Variants in COPG2 observed in about 807,000 individuals in gnomAD.
COPG2 encodes the protein coatomer subunit gamma-2.
A neutral mutation model predicts 46.3 loss-of-function variants in COPG2; 37 were observed. That is an observed-to-expected ratio of 0.80 (90% CI 0.61 to 1.05). COPG2 has a LOEUF of 1.05. Ranked by LOEUF, COPG2 falls within the 50% of genes least tolerant of loss-of-function variation. The probability of loss-of-function intolerance (pLI) is 0.00; values close to 1 mark genes in which losing one functional copy is unlikely to be tolerated. For synonymous variants in COPG2, 159 were observed against 129.7 expected, an observed-to-expected ratio of 1.23 and a Z score of -1.53; for missense variants, 427 against 387.8, an observed-to-expected ratio of 1.10 and a Z score of -0.85.
intron 11 of COPG2, 99 bp from the exon 12 acceptor site, chr7:130,561,320 ATAAGT>A (rs1249237337): frequency 2.5e-5 from 10 of 397,310 alleles, no homozygotes; most frequent in African/African-American, 4.1e-5. Flanking sequence ...AGAGGACAGG[ATAAGT>A]TAAAAGTAAT....
intron 20 of COPG2, among the ~76,000 whole-genome samples, chr7:130,532,798 C>A (rs1228437767): frequency 6.6e-6 from 1 of 152,068 alleles, no homozygotes; most frequent in African/African-American, 2.4e-5. Context: ...GAGGTGGATT[C>A]GGTGCAGTAC....
chr7:130,512,052 T>TAAA (rs1182017221), intron 20 of COPG2, among the ~76,000 whole-genome samples: 107 of 99,134 alleles, frequency 1.1e-3, no homozygotes, highest in Middle Eastern at 0.011. Context: ...CTGTGTCTTC[T>TAAA]AAAAAAAAAA....
chr7:130,629,541 CA>C, intron 5 of COPG2, among the ~76,000 whole-genome samples: 1 of 151,610 alleles, frequency 6.6e-6, no homozygotes, highest in South Asian at 2.1e-4. Context: ...ACTACAGGCA[CA>C]TGCCACCATG....
chr7:130,528,331 A>C (rs903798477), intron 20 of COPG2, among the ~76,000 whole-genome samples: 2 of 152,032 alleles, frequency 1.3e-5, no homozygotes, highest in Admixed American at 6.6e-5. Flanking sequence ...GAAAGGATGC[A>C]AAGGGAATTG....
chr7:130,654,274 A>G (rs1396418845), intron 4 of COPG2, among the ~76,000 whole-genome samples: 4 of 152,244 alleles, frequency 2.6e-5, no homozygotes, highest in Non-Finnish European at 5.9e-5. Flanking sequence ...AGCCAAGGAC[A>G]AAATAAAGAG....
intron 9 of COPG2, among the ~76,000 whole-genome samples, chr7:130,580,035 A>C (rs2116436110): frequency 6.6e-6 from 1 of 150,570 alleles, no homozygotes; most frequent in East Asian, 2.0e-4. Flanking sequence ...AAATCAACAG[A>C]ATATACATTT....
In COPG2 at chr7:130,572,062, A is replaced by G. The variant is rs936485907; in HGVS notation, c.738-7669T>C. 5.9e-5 allele frequency among the ~76,000 whole-genome samples: 9 copies of G among 152,174 alleles called. 1 individual carries two copies. The South Asian group carries it at 1.0e-3, about 18-fold the overall frequency. On this transcript the variant is annotated intron_variant, in intron 9 of 23. Transcript: ENST00000425248. ...AGCTATGAGGACGCAAAGGCATGAGAATGATACAATGGATTTTGGGGACTT... is the reference window on the plus strand; with the variant it reads ...AGCTATGAGGACGCAAAGGCATGAGGATGATACAATGGATTTTGGGGACTT...
intron 4 of COPG2, among the ~76,000 whole-genome samples, chr7:130,662,619 T>G (rs1796000518): frequency 2.0e-5 from 3 of 152,232 alleles, no homozygotes; most frequent in African/African-American, 7.2e-5. Flanking sequence ...CTGCCAGCAC[T>G]GCTGACTAAC....
At chr7:130,623,699 C>T (rs1334836046) in intron 5 of COPG2, among the ~76,000 whole-genome samples, 1 of 152,068 alleles carries the variant, frequency 6.6e-6, no homozygotes, top group Non-Finnish European at 1.5e-5. Context: ...AAAAAACAGG[C>T]AATAACTCTG....
intron 9 of COPG2, among the ~76,000 whole-genome samples, chr7:130,605,401 C>T (rs1242461415): frequency 1.3e-5 from 2 of 152,196 alleles, no homozygotes; most frequent in Non-Finnish European, 2.9e-5. Context: ...AAGATTGTCA[C>T]CTAAATTACC....
chr7:130,667,432 C>G, intron 2 of COPG2, 50 bp downstream of exon 2: 1 of 1,505,028 alleles, frequency 6.6e-7, no homozygotes, highest in Non-Finnish European at 9.2e-7. Flanking sequence ...CTGCCCACCA[C>G]TCTAAAACAG....
chr7:130,509,099 A>G (rs370107330), intron 20 of COPG2: 2 of 450,874 alleles, frequency 4.4e-6, no homozygotes, highest in African/African-American at 4.1e-5. Flanking sequence ...GACCAATCTC[A>G]TCAGCATCTC....
intron 20 of COPG2, among the ~76,000 whole-genome samples, chr7:130,523,895 C>A (rs987861978): frequency 4.0e-4 from 60 of 151,154 alleles, no homozygotes; most frequent in African/African-American, 1.5e-3. Context: ...CCAGGAGGAG[C>A]GGAGGAGCCG....
At chr7:130,599,868 A>G (rs1442957686) in intron 9 of COPG2, among the ~76,000 whole-genome samples, 1 of 152,170 alleles carries the variant, frequency 6.6e-6, no homozygotes, top group Non-Finnish European at 1.5e-5. Flanking sequence ...GGTCATTATA[A>G]GGGTGTTTCA....
intron 9 of COPG2, among the ~76,000 whole-genome samples, chr7:130,586,197 C>T (rs1240528162): frequency 6.6e-6 from 1 of 152,008 alleles, no homozygotes; most frequent in African/African-American, 2.4e-5. Flanking sequence ...GACTATTATT[C>T]TAAGTGAAGT....
Position 130,554,369 on chromosome 7 carries a change from C to A in COPG2, c.1468+112G>T, listed in dbSNP as rs1793584494. 5 of 396,220 alleles carry A rather than the reference C, an allele frequency of 1.3e-5. No homozygotes were observed. The Admixed American group carries it at 2.2e-4, about 17-fold the overall frequency. 24.5% of individuals were successfully genotyped at this position (396,220 alleles called of 1,614,324 possible). A position where few individuals can be genotyped will look rare whatever the true frequency, so the allele number is the denominator to read the frequency against. ...AAGATATCTGGGCCCTAAGCATGCT[C>A]TAAAATCCCACCATCCAATAAATCC... On this transcript the variant is annotated intron_variant, in intron 14 of 23. Transcript: ENST00000425248.
chr7:130,528,177 T>C (rs1799791649), intron 20 of COPG2, among the ~76,000 whole-genome samples: 1 of 151,946 alleles, frequency 6.6e-6, no homozygotes, highest in Non-Finnish European at 1.5e-5. Context: ...GGTGCGTTTG[T>C]ACCCGTGGGA....
chr7:130,600,711 T>A (rs1554450237), intron 9 of COPG2, among the ~76,000 whole-genome samples: 1 of 152,200 alleles, frequency 6.6e-6, no homozygotes, highest in African/African-American at 2.4e-5. Context: ...TTTGTTTGTG[T>A]CTTTTCTAAA....
intron 6 of COPG2, among the ~76,000 whole-genome samples, chr7:130,615,070 T>A (rs1794924576): frequency 6.6e-6 from 1 of 152,078 alleles, no homozygotes; most frequent in South Asian, 2.1e-4. Context: ...ATGAGAGAAG[T>A]CAAAAAGGAT....
Sources: gnomAD v4.1 joint callset for allele counts (sites outside exome capture counted in the v4.1 genomes callset) on GRCh38, gnomAD v4.1.1 for gene constraint, MANE v1.5 for transcripts, NCBI Gene and HGNC (gene_info 2026-07-23, HGNC 2026-07-21) for gene names.